CAMSAP2: variants seen among roughly 807,000 people sequenced by gnomAD.
CAMSAP2 encodes calmodulin-regulated spectrin-associated protein 2.
CAMSAP2 carries 26 observed loss-of-function variants against 146.1 expected under a neutral mutation model. That is an observed-to-expected ratio of 0.18 (90% CI 0.13 to 0.25). CAMSAP2 has a LOEUF of 0.25. Among genes scored for constraint, CAMSAP2 ranks in the 10% least tolerant of loss-of-function variants. The probability of loss-of-function intolerance (pLI) is 1.00; values close to 1 mark genes in which losing one functional copy is unlikely to be tolerated. For missense variants in CAMSAP2, 1,381 were observed against 1,759.3 expected (o/e 0.78, Z 3.85); for synonymous variants, 499 against 596.6 (o/e 0.84, Z 2.38).
chr1:200,820,212 C>T (rs966126117), intron 4 of CAMSAP2, among the ~76,000 whole-genome samples: 2 of 151,936 alleles, frequency 1.3e-5, no homozygotes, highest in African/African-American at 2.4e-5. Flanking sequence ...AGGTGTGCAC[C>T]GCCATGCCCA....
chr1:200,830,320 T>TGC (rs903736961), intron 4 of CAMSAP2, among the ~76,000 whole-genome samples: 6 of 151,348 alleles, frequency 4.0e-5, no homozygotes, highest in African/African-American at 1.2e-4. Context: ...TGTGTGTGTG[T>TGC]GCACGTGCAC....
Position 200,806,233 on chromosome 1 carries a change from C to T in CAMSAP2, c.400-1143C>T, listed in dbSNP as rs548075497. On this transcript the variant is annotated intron_variant, in intron 2 of 16. Coordinates refer to ENST00000358823, the MANE Select transcript of CAMSAP2 (RefSeq NM_203459.4). ...AAAAGTACTTAATATATAATGAGCT[C>T]TTACAAATCAGTTAAGAATAGGCAA... 2.6e-5 allele frequency among the ~76,000 whole-genome samples: 4 copies of T among 152,266 alleles called. No individual in the cohort carries two copies. The East Asian group carries it at 7.7e-4, about 29-fold the overall frequency.
intron 1 of CAMSAP2, among the ~76,000 whole-genome samples, chr1:200,741,461 G>GT (rs1209066505): frequency 1.3e-5 from 2 of 152,212 alleles, no homozygotes; most frequent in Non-Finnish European, 2.9e-5. Flanking sequence ...ACTGAAGCCG[G>GT]TATCTATTTG....
chr1:200,844,930 AATATT>A lies in CAMSAP2; in HGVS notation c.1109+68_1109+72del, dbSNP rs1270434214. 7.2e-6 allele frequency: 6 copies of A among 829,988 alleles called. No individual in the cohort carries two copies. The East Asian group carries it at 9.1e-5, about 13-fold the overall frequency. 51.4% of individuals were successfully genotyped at this position (829,988 alleles called of 1,614,324 possible). On this transcript the variant is annotated intron_variant, in intron 8 of 16. Coordinates refer to ENST00000358823, the MANE Select transcript of CAMSAP2 (RefSeq NM_203459.4). ...ATTCTATTTACTAATTAAATTACAT[AATATT>A]ATATTACATTAAATAAGGTTTTTAA...
chr1:200,837,295 A>G (rs1162171889), intron 6 of CAMSAP2, among the ~76,000 whole-genome samples: 1 of 152,078 alleles, frequency 6.6e-6, no homozygotes, highest in African/African-American at 2.4e-5. Flanking sequence ...TCTGTTTTCC[A>G]TCTTCTGAGT....
intron 1 of CAMSAP2, among the ~76,000 whole-genome samples, chr1:200,745,382 C>T (rs1664293583): frequency 6.6e-6 from 1 of 151,598 alleles, no homozygotes; most frequent in African/African-American, 2.4e-5. Flanking sequence ...CTATTGTGAT[C>T]TAAAAAGGTT....
At chr1:200,788,722 A>G (rs1210517756) in intron 2 of CAMSAP2, among the ~76,000 whole-genome samples, 4 of 150,366 alleles carry the variant, frequency 2.7e-5, no homozygotes, top group Non-Finnish European at 5.9e-5. Context: ...GCTCATTGCA[A>G]CCTCCGCCTC....
At chr1:200,756,913 T>G (rs545513954) in intron 1 of CAMSAP2, among the ~76,000 whole-genome samples, 1 of 152,292 alleles carries the variant, frequency 6.6e-6, no homozygotes, top group Admixed American at 6.5e-5. Flanking sequence ...GGTCATATAT[T>G]AGGGTATTCA....
chr1:200,842,218 T>A, intron 7 of CAMSAP2, 131 bp downstream of exon 7: 1 of 646,358 alleles, frequency 1.5e-6, no homozygotes, highest in African/African-American at 1.8e-5. Context: ...TTACACTTGA[T>A]AGATTCTCCT....
intron 2 of CAMSAP2, among the ~76,000 whole-genome samples, chr1:200,763,183 C>G (rs989752525): frequency 6.6e-6 from 1 of 152,092 alleles, no homozygotes; most frequent in Admixed American, 6.6e-5. Flanking sequence ...TACAGGTGCA[C>G]GGCATGGGCA....
chr1:200,836,799 T>C (rs1667197083), intron 6 of CAMSAP2, among the ~76,000 whole-genome samples: 1 of 152,212 alleles, frequency 6.6e-6, no homozygotes, highest in Non-Finnish European at 1.5e-5. Context: ...CGGTGTGAGA[T>C]GGTATCTCAT....
At chr1:200,759,793 C>A (rs1664751102) in intron 1 of CAMSAP2, among the ~76,000 whole-genome samples, 1 of 152,100 alleles carries the variant, frequency 6.6e-6, no homozygotes, top group Non-Finnish European at 1.5e-5. Flanking sequence ...ACTCAGAAGC[C>A]CTACCTCTGG....
chr1:200,766,480 T>TA (rs1664955918), intron 2 of CAMSAP2, among the ~76,000 whole-genome samples: 1 of 152,202 alleles, frequency 6.6e-6, no homozygotes, highest in Non-Finnish European at 1.5e-5. Flanking sequence ...GCTTACACTT[T>TA]AACACTCTAT....
intron 2 of CAMSAP2, among the ~76,000 whole-genome samples, chr1:200,779,842 A>C: frequency 6.6e-6 from 1 of 152,210 alleles, no homozygotes; most frequent in East Asian, 1.9e-4. Context: ...GAATATCAGG[A>C]TATGTTAAGA....
Position 200,853,118 on chromosome 1 carries a change from A to G in CAMSAP2, c.3603-157A>G, listed in dbSNP as rs900663930. Among the ~76,000 whole-genome samples the G allele has an allele frequency of 6.6e-6, 1 of 151,974 alleles. No individual in the cohort carries two copies. The highest frequency in any genetic ancestry group is 1.5e-5 in the Non-Finnish European group (1 of 67,980). ...TATTTACTTATTTATGCTTAATCCC[A>G]TGTCTCAGCAGAATCGTCAAGTACC... On this transcript the variant is annotated intron_variant, in intron 12 of 16. Transcript: ENST00000358823. This position sits in a 1 kb window ranked among gnomAD's most constrained non-coding sequence, Gnocchi z 5.1.
chr1:200,750,996 G>A (rs1038137403), intron 1 of CAMSAP2, among the ~76,000 whole-genome samples: 1 of 149,064 alleles, frequency 6.7e-6, no homozygotes, highest in African/African-American at 2.5e-5. Flanking sequence ...TCCAACTCCC[G>A]GGTTCAAGGG....
rs1042431096 is a variant in CAMSAP2 at position 200,851,141 on chromosome 1, T to A, written c.3465+907T>A. On this transcript the variant is annotated intron_variant, in intron 11 of 16. Transcript: ENST00000358823. ...GGAGTTTTCAACTGTTTTGTATGATTTGCTTTGTCTCTTAGACCATGACCT... is the reference window on the plus strand; with the variant it reads ...GGAGTTTTCAACTGTTTTGTATGATATGCTTTGTCTCTTAGACCATGACCT... Among the ~76,000 whole-genome samples the A allele has an allele frequency of 9.2e-5, 14 of 152,330 alleles. No individual in the cohort carries two copies. The East Asian group carries it at 2.7e-3, about 29-fold the overall frequency.
At chr1:200,843,145 C>T (rs1667370340) in intron 7 of CAMSAP2, among the ~76,000 whole-genome samples, 1 of 152,122 alleles carries the variant, frequency 6.6e-6, no homozygotes, top group South Asian at 2.1e-4. Flanking sequence ...GATCATTGTG[C>T]ATCCCAACTA....
intron 3 of CAMSAP2, among the ~76,000 whole-genome samples, chr1:200,815,305 G>A (rs184524294): frequency 1.3e-5 from 2 of 151,968 alleles, no homozygotes; most frequent in African/African-American, 4.8e-5. Context: ...TTCCCTTAGC[G>A]CTCCAACCAG....
Sources: gnomAD v4.1 joint callset for allele counts (sites outside exome capture counted in the v4.1 genomes callset) on GRCh38, gnomAD v4.1.1 for gene constraint, Gnocchi (gnomAD v3.1) non-coding constraint, MANE v1.5 for transcripts, NCBI Gene and HGNC (gene_info 2026-07-23, HGNC 2026-07-21) for gene names.